The following THAP6 variants were observed in gnomAD, a reference collection of about 807,000 sequenced individuals.
THAP6 encodes the protein THAP domain-containing protein 6.
THAP6 carries 13 observed loss-of-function variants against 20.0 expected under a neutral mutation model. The observed-to-expected ratio is 0.65, with a 90% CI of 0.42 to 1.03. The LOEUF (loss-of-function observed/expected upper bound fraction) is 1.03, where lower values mean the gene tolerates loss of function less well. Among genes scored for constraint, THAP6 ranks in the 50% least tolerant of loss-of-function variants. The pLI is 0.00. For synonymous variants in THAP6, 93 were observed against 92.2 expected (o/e 1.01, Z -0.05); for missense variants, 262 against 261.6 (o/e 1.00, Z -0.01).
At chr4:75,542,320 G>T (rs181435034) in intron 2 of THAP6, 4 of 648,314 alleles carry the variant, frequency 6.2e-6, no homozygotes, top group Non-Finnish European at 1.1e-5. Context: ...TGACTTCAGA[G>T]TACTGATATC....
rs776770876 is a variant in THAP6, at chr4:75,515,533, G to T, written c.80+1G>T. On this transcript the variant is annotated splice_donor_variant, in intron 2 of 4. Coordinates refer to ENST00000311638, the MANE Select transcript of THAP6 (RefSeq NM_144721.6). LOFTEE classifies it high-confidence loss of function. The stretch of plus-strand genomic sequence containing the variant: ...AGTTAAAAGGACTGACATTTCACGT[G>T]TAAGATTTTGCTGTAGTTAAGCCAA... The T allele has an allele frequency of 6.2e-7, 1 of 1,613,312 alleles. No individual in the cohort carries two copies. The highest frequency in any genetic ancestry group is 8.5e-7 in the Non-Finnish European group (1 of 1,179,382).
chr4:75,520,497 T>C lies in THAP6; in HGVS notation c.289-1239T>C, dbSNP rs77458892. ...ATAGTAGTTGGTGGTGTCAATTATA[T>C]AGACGATTTTTTACTGACCATATAG... On this transcript the variant is annotated intron_variant, in intron 3 of 4. Transcript: ENST00000311638. Among the ~76,000 whole-genome samples, 648 of 152,324 alleles carry C rather than the reference T, an allele frequency of 4.3e-3. 3 individuals carry two copies. The highest frequency in any genetic ancestry group is 0.015 in the African/African-American group (623 of 41,566).
At chr4:75,515,377 A>G in intron 1 of THAP6, 56 bp from the exon 2 acceptor site, 1 of 1,503,538 alleles carries the variant, frequency 6.7e-7, no homozygotes, top group East Asian at 2.3e-5. Context: ...GGAAAGGGAA[A>G]ATATTCCCCT....
In THAP6 at chr4:75,521,802, A is replaced by G; in HGVS notation, c.355A>G (p.Asn119Asp). 3.1e-6 allele frequency: 5 copies of G among 1,613,444 alleles called. No individual in the cohort carries two copies. Among genetic ancestry groups the G allele is most frequent in the Admixed American group, 1.7e-5 (1 of 60,008 alleles). ...CAAAACCGTTCCAGCCACTAACTAC[A>G]ATCACCATCTTGTTGGTGCTTCCTC... ...TLKTVPATNY[N>D]HHLVGASSCI... is the part of the protein sequence containing the mutation. The change falls in exon 4 of 5, where the codon AAT becomes GAT. Residue 119 changes from asparagine to aspartate, a missense_variant. Transcript: ENST00000311638.
intron 3 of THAP6, 43 bp from the exon 4 acceptor site, chr4:75,521,682 TAAGAAAGAACA>T (rs1287391821): frequency 6.7e-7 from 1 of 1,498,256 alleles, no homozygotes; most frequent in African/African-American, 1.4e-5. Context: ...AATAAAAATT[TAAGAAAGAACA>T]AAAGTATCTC....
intron 2 of THAP6, among the ~76,000 whole-genome samples, chr4:75,537,189 G>T (rs569197168): frequency 6.6e-5 from 10 of 152,194 alleles, no homozygotes; most frequent in African/African-American, 2.2e-4. Flanking sequence ...GTCTAGGGGG[G>T]GCACCAAAAC....
At chr4:75,522,321 G>A (rs923906296) in intron 4 of THAP6, 2 of 155,672 alleles carry the variant, frequency 1.3e-5, no homozygotes, top group South Asian at 2.0e-4. Context: ...ATTTTTGTGG[G>A]TACATAGTAG....
intron 3 of THAP6, chr4:75,542,795 C>T (rs1727041818): frequency 4.4e-6 from 1 of 228,412 alleles, no homozygotes; most frequent in Non-Finnish European, 8.6e-6. Context: ...TGAATTGTTG[C>T]TGAACATTCA....
intron 2 of THAP6, among the ~76,000 whole-genome samples, chr4:75,536,690 T>C (rs1239547907): frequency 6.6e-6 from 1 of 152,042 alleles, no homozygotes; most frequent in African/African-American, 2.4e-5. Flanking sequence ...GTATTTTTTG[T>C]AGAGACAAGG....
intron 2 of THAP6, among the ~76,000 whole-genome samples, chr4:75,540,319 T>C (rs2148832252): frequency 6.6e-6 from 1 of 152,326 alleles, no homozygotes; most frequent in South Asian, 2.1e-4. Context: ...AATGAAATCA[T>C]ATGTTGATTT....
chr4:75,533,901 TC>T (rs1192486227), downstream of THAP6, among the ~76,000 whole-genome samples: 1 of 152,008 alleles, frequency 6.6e-6, no homozygotes, highest in African/African-American at 2.4e-5. Flanking sequence ...CCTAATGCTA[TC>T]CCTCCCCCTC....
chr4:75,516,832 G>C lies in THAP6; in HGVS notation c.141G>C (p.Val47=), dbSNP rs751021140. The C allele has an allele frequency of 5.0e-6, 8 of 1,613,960 alleles. No homozygotes were observed. The Admixed American group carries it at 5.0e-5, about 10-fold the overall frequency. ...KWVLAMKRLD[V]NAAGIWEPKK... ...TATTAGCAATGAAAAGACTTGATGT[G>C]AATGCAGCCGGCATTTGGGAGCCTA... Residue 47 remains valine (V), a synonymous_variant, in exon 3 of 5, where the codon GTG becomes GTC. Transcript: ENST00000311638.
rs1481256322 is a variant in THAP6, at chr4:75,526,974, T to C, written c.429T>C (p.Ser143=). Residue 143 remains serine (S), a synonymous_variant, in exon 5 of 5, where the codon AGT becomes AGC. Transcript: ENST00000311638. ...QSQFIFEHSY[S]VMDSPKKLKH... is the part of the protein sequence containing the mutation. ...TATGTTTTTAGGAACATAGCTACAG[T>C]GTAATGGACAGTCCAAAGAAACTTA... 2 of 1,613,654 alleles carry C rather than the reference T, an allele frequency of 1.2e-6. No individual in the cohort carries two copies. Among genetic ancestry groups the C allele is most frequent in the Non-Finnish European group, 1.7e-6 (2 of 1,179,762 alleles).
At chr4:75,531,799 C>G (rs56845638), downstream of THAP6, among the ~76,000 whole-genome samples, 13,166 of 141,500 alleles carry the variant, frequency 0.093, 956 homozygotes, top group African/African-American at 0.19. Flanking sequence ...TTTTTTCTTT[C>G]AAATCATCGG....
Position 75,528,572 on chromosome 4 carries a change from G to A in THAP6, c.*1358G>A, listed in dbSNP as rs1253164810. 13 of 982,272 alleles carry A rather than the reference G, an allele frequency of 1.3e-5. No homozygotes were observed. Among genetic ancestry groups the A allele is most frequent in the Non-Finnish European group, 1.5e-5 (12 of 827,290 alleles). 60.8% of individuals were successfully genotyped at this position (982,272 alleles called of 1,614,324 possible). On this transcript the variant is annotated 3_prime_UTR_variant, in exon 5 of 5. Coordinates refer to ENST00000311638, the MANE Select transcript of THAP6 (RefSeq NM_144721.6). ...TTACATTAATATTAGTTAAGATATG[G>A]TCACTTGAATTTTTTGTATTTAAGA...
chr4:75,525,964 CCT>C (rs1726338763), intron 4 of THAP6, among the ~76,000 whole-genome samples: 1 of 152,168 alleles, frequency 6.6e-6, no homozygotes, highest in African/African-American at 2.4e-5. Context: ...CAAAGGGGAG[CCT>C]CTGAAGATCT....
intron 3 of THAP6, among the ~76,000 whole-genome samples, chr4:75,544,105 A>C (rs143997632): frequency 1.7e-3 from 256 of 152,274 alleles, no homozygotes; most frequent in African/African-American, 6.1e-3. Context: ...TTTATAATGG[A>C]AAGTTCCAAA....
chr4:75,537,881 C>G (rs1335368106), intron 2 of THAP6, among the ~76,000 whole-genome samples: 2 of 152,194 alleles, frequency 1.3e-5, no homozygotes. Context: ...GAAATGAAGT[C>G]TCCCAGAGAG....
intron 3 of THAP6, among the ~76,000 whole-genome samples, chr4:75,518,818 T>C (rs984788630): frequency 2.6e-5 from 4 of 152,208 alleles, no homozygotes; most frequent in Non-Finnish European, 4.4e-5. Context: ...TAAATTGGAG[T>C]GTACTTTCTA....
Sources: allele counts gnomAD v4.1 joint callset (sites outside exome capture counted in the v4.1 genomes callset), GRCh38; gene constraint gnomAD v4.1.1; transcripts MANE v1.5; gene names NCBI Gene and HGNC (gene_info 2026-07-23, HGNC 2026-07-21).